The following OTUD7A variants were observed in gnomAD, a reference collection of about 807,000 sequenced individuals.
OTUD7A encodes OTU deubiquitinase 7A.
In OTUD7A, 12 loss-of-function variants were observed where a neutral mutation model predicts 65.7. The ratio of observed to expected loss-of-function variants is 0.18; its 90% CI spans 0.12 to 0.30. The LOEUF is 0.30. Among genes scored for constraint, OTUD7A ranks in the 10% least tolerant of loss-of-function variants. The pLI, the probability that OTUD7A is intolerant of heterozygous loss-of-function variation, is 1.00. For missense variants in OTUD7A, 1,148 were observed against 1,304.8 expected (o/e 0.88, Z 1.85); for synonymous variants, 641 against 586.3 (o/e 1.09, Z -1.35).
At chr15:31,757,677 C>T (rs1194263766) in intron 1 of OTUD7A, among the ~76,000 whole-genome samples, 1 of 152,116 alleles carries the variant, frequency 6.6e-6, no homozygotes, top group East Asian at 1.9e-4. Flanking sequence ...AAGACACAAA[C>T]CCACAGTCAC....
chr15:31,844,325 T>C (rs1897252157), intron 1 of OTUD7A, among the ~76,000 whole-genome samples: 1 of 152,190 alleles, frequency 6.6e-6, no homozygotes, highest in Non-Finnish European at 1.5e-5. Flanking sequence ...ACCAGCATAG[T>C]GAAACCCCGT....
intron 5 of OTUD7A, among the ~76,000 whole-genome samples, chr15:31,550,823 C>T (rs1888297915): frequency 6.6e-6 from 1 of 152,166 alleles, no homozygotes; most frequent in Non-Finnish European, 1.5e-5. Flanking sequence ...ACATGTGTAT[C>T]CTGGGAGGCG....
chr15:31,664,790 G>T (rs1465872756), intron 1 of OTUD7A, among the ~76,000 whole-genome samples: 2 of 152,150 alleles, frequency 1.3e-5, no homozygotes, highest in Admixed American at 1.3e-4. Flanking sequence ...TATAGTTTCA[G>T]GTCTTAGATA....
intron 1 of OTUD7A, among the ~76,000 whole-genome samples, chr15:31,675,056 C>T (rs7179600): frequency 0.058 from 8,620 of 148,976 alleles, 827 homozygotes; most frequent in African/African-American, 0.2. Flanking sequence ...AATTGATAGA[C>T]AAAGGTAAAA....
chr15:31,588,028 C>A (rs925131597), intron 3 of OTUD7A, among the ~76,000 whole-genome samples: 1 of 152,076 alleles, frequency 6.6e-6, no homozygotes, highest in Admixed American at 6.5e-5. Context: ...TTGGTATAAT[C>A]CCTACAGAAA....
At chr15:31,619,757 ATTTC>A (rs1890716389) in intron 3 of OTUD7A, among the ~76,000 whole-genome samples, 1 of 79,456 alleles carries the variant, frequency 1.3e-5, no homozygotes, top group Middle Eastern at 5.9e-3. Context: ...AATACCCTTT[ATTTC>A]TTTCTCCTGC....
intron 3 of OTUD7A, among the ~76,000 whole-genome samples, chr15:31,654,650 G>A (rs990895911): frequency 1.3e-5 from 2 of 152,098 alleles, no homozygotes; most frequent in Non-Finnish European, 2.9e-5. Context: ...GTTCACTATG[G>A]TTATGGCTGA....
intron 3 of OTUD7A, among the ~76,000 whole-genome samples, chr15:31,583,019 G>A (rs1261362079): frequency 6.6e-6 from 1 of 151,982 alleles, no homozygotes; most frequent in Non-Finnish European, 1.5e-5. Context: ...GTGAAGGATT[G>A]TTGAGTGAGA....
intron 3 of OTUD7A, among the ~76,000 whole-genome samples, chr15:31,634,117 G>A (rs1289336667): frequency 6.6e-6 from 1 of 152,106 alleles, no homozygotes; most frequent in Non-Finnish European, 1.5e-5. Context: ...AGAGACCTGG[G>A]CACAGGTCAG....
intron 1 of OTUD7A, among the ~76,000 whole-genome samples, chr15:31,846,002 G>A (rs1243702946): frequency 6.6e-6 from 1 of 152,146 alleles, no homozygotes; most frequent in Non-Finnish European, 1.5e-5. Flanking sequence ...GCTGTTCCAG[G>A]GGCTGCCTCC....
In OTUD7A at chr15:31,483,453, C is replaced by G. The variant is rs1355965298; in HGVS notation, c.2643G>C (p.Ser881=). The change falls in exon 13 of 13, where the codon TCG becomes TCC. Residue 881 remains serine, a synonymous_variant. Coordinates refer to ENST00000307050, the MANE Select transcript of OTUD7A (RefSeq NM_001382637.1). ...GGCCGCCACGGCCGCACTCACCGTT[C>G]GAGCGCGCGGTCGGCGCGTCGGCGT... The part of the protein sequence containing the change: ...FADADAPTAR[S]NGECGRGGPG... 1 of 1,380,794 alleles carries G rather than the reference C, an allele frequency of 7.2e-7. No individual in the cohort carries two copies. The highest frequency in any genetic ancestry group is 1.5e-5 in the African/African-American group (1 of 64,820). The allele number at this position is 1,380,794 out of a possible 1,614,324, so 85.5% of individuals were successfully genotyped here.
chr15:31,545,211 T>A (rs1293812811), intron 5 of OTUD7A, among the ~76,000 whole-genome samples: 3 of 152,032 alleles, frequency 2.0e-5, no homozygotes, highest in Non-Finnish European at 4.4e-5. Context: ...AAAAGATGAT[T>A]TCAATAAATG....
intron 1 of OTUD7A, among the ~76,000 whole-genome samples, chr15:31,663,794 C>G (rs770931976): frequency 6.6e-6 from 1 of 152,000 alleles, no homozygotes; most frequent in South Asian, 2.1e-4. Context: ...CACACAGAAC[C>G]CTATTTGCAG....
At chr15:31,713,392 G>A (rs188574210) in intron 1 of OTUD7A, among the ~76,000 whole-genome samples, 11 of 152,286 alleles carry the variant, frequency 7.2e-5, no homozygotes, top group Non-Finnish European at 1.5e-4. Context: ...GCTGGGGCGA[G>A]CAGATCACTT....
In OTUD7A at chr15:31,483,931, G is replaced by T. The variant is rs1335963483; in HGVS notation, c.2165C>A (p.Thr722Lys). ...VPERASPGPPTQLVLKLKERP... is the reference protein window; with the variant it reads ...VPERASPGPPKQLVLKLKERP... ...CTCCTTGAGCTTGAGCACCAGCTGC[G>T]TGGGTGGGCCCGGAGAGGCGCGCTC... is the stretch of plus-strand genomic sequence containing the variant. Residue 722 changes from threonine (T) to lysine (K), a missense_variant, in exon 13 of 13, where the codon ACG (threonine) becomes AAG (lysine). Physicochemically the swap from Thr to Lys is moderately conservative, Grantham distance 78 (BLOSUM62 -1). Transcript: ENST00000307050. 9.1e-7 allele frequency: 1 copy of T among 1,095,924 alleles called. No homozygotes were observed. The highest frequency in any genetic ancestry group is 1.1e-6 in the Non-Finnish European group (1 of 893,538). The allele number at this position is 1,095,924 out of a possible 1,614,324, so 67.9% of individuals were successfully genotyped here. A position where few individuals can be genotyped will look rare whatever the true frequency, so the allele number is the denominator to read the frequency against.
At chr15:31,827,315 G>C (rs965618538) in intron 1 of OTUD7A, among the ~76,000 whole-genome samples, 8 of 152,234 alleles carry the variant, frequency 5.3e-5, no homozygotes, top group African/African-American at 1.9e-4. Context: ...GAGGCAAAGA[G>C]AGAATGACGA....
At chr15:31,825,783 C>T (rs1467849698) in intron 1 of OTUD7A, among the ~76,000 whole-genome samples, 1 of 152,192 alleles carries the variant, frequency 6.6e-6, no homozygotes, top group African/African-American at 2.4e-5. Flanking sequence ...GGGGTACAGA[C>T]ATTGGGTAAA....
At chr15:31,501,320 T>G (rs1386271621) in intron 10 of OTUD7A, among the ~76,000 whole-genome samples, 1 of 152,222 alleles carries the variant, frequency 6.6e-6, no homozygotes, top group Non-Finnish European at 1.5e-5. Flanking sequence ...ATTTATAAAA[T>G]GGGTGGTGGG....
chr15:31,790,291 C>T (rs1261858151), intron 1 of OTUD7A, among the ~76,000 whole-genome samples: 2 of 152,232 alleles, frequency 1.3e-5, no homozygotes, highest in East Asian at 3.9e-4. Context: ...CCCCAAGAGC[C>T]AACAACATGC....
Sources: gnomAD v4.1 joint callset for allele counts (sites outside exome capture counted in the v4.1 genomes callset) on GRCh38, gnomAD v4.1.1 for gene constraint, MANE v1.5 for transcripts, NCBI Gene and HGNC (gene_info 2026-07-23, HGNC 2026-07-21) for gene names.